The following SMARCB1 variants were observed in gnomAD, a reference collection of about 807,000 sequenced individuals.
SMARCB1 encodes SWI/SNF related BAF chromatin remodeling complex subunit B1.
Under a neutral mutation model 49.0 loss-of-function variants are expected in SMARCB1, and 5 were observed. That is an observed-to-expected ratio of 0.10 (90% CI 0.05 to 0.21). SMARCB1 has a LOEUF of 0.21. Ranked by LOEUF, SMARCB1 falls within the 10% of genes least tolerant of loss-of-function variation. The pLI is 1.00. For synonymous variants in SMARCB1, 201 were observed against 200.1 expected (o/e 1.00, Z -0.04); for missense variants, 226 against 509.2 (o/e 0.44, Z 5.35).
Position 23,835,538 on chromosome 22 carries a change from G to A in SMARCB1, c.*1358G>A, listed in dbSNP as rs1432167593. ...GCTCCTTTGAGCACATGTTAGCATG[G>A]GACTCTTCCCAGGGAGTTTGCACTC... On this transcript the variant is annotated 3_prime_UTR_variant, in exon 9 of 9. Transcript: ENST00000644036. 1.0e-6 allele frequency: 1 copy of A among 985,358 alleles called. No homozygotes were observed. The highest frequency in any genetic ancestry group is 1.2e-6 in the Non-Finnish European group (1 of 829,960). The allele number at this position is 985,358 out of a possible 1,614,324, so 61.0% of individuals were successfully genotyped here.
intron 6 of SMARCB1, among the ~76,000 whole-genome samples, chr22:23,821,008 C>T (rs538441783): frequency 1.2e-4 from 19 of 152,362 alleles, no homozygotes; most frequent in African/African-American, 4.3e-4. Flanking sequence ...GAATTGAGCC[C>T]ATTTTCATTG....
chr22:23,797,001 T>TTTTTTTC lies in SMARCB1; in HGVS notation c.362+3319_362+3320insCTTTTTT, dbSNP rs1491241952. ...TGCAATGGAAGGAAGGTTGTTTTTCTTTTTTTTTTTTTTTTTGAGACGGAG... is the reference window on the plus strand; with the variant it reads ...TGCAATGGAAGGAAGGTTGTTTTTCTTTTTTTCTTTTTTTTTTTTTTTTGAGACGGAG... On this transcript the variant is annotated intron_variant, in intron 3 of 8. Transcript: ENST00000644036. Among the ~76,000 whole-genome samples, 439 of 115,554 alleles carry TTTTTTTC rather than the reference T, an allele frequency of 3.8e-3. 4 individuals are homozygous for TTTTTTTC. The highest frequency in any genetic ancestry group is 0.025 in the South Asian group (97 of 3,854). The allele number at this position is 115,554 out of a possible 152,430, so 75.8% of individuals were successfully genotyped here. A position where few individuals can be genotyped will look rare whatever the true frequency, so the allele number is the denominator to read the frequency against.
intron 5 of SMARCB1, among the ~76,000 whole-genome samples, chr22:23,805,421 G>A (rs1252006202): frequency 3.3e-5 from 5 of 152,170 alleles, no homozygotes; most frequent in African/African-American, 1.2e-4. Flanking sequence ...ATCTCTGCTG[G>A]CCCACATCAT....
rs1269632115 is a variant in SMARCB1 at position 23,837,814 on chromosome 22, G to C, written c.*3634G>C. The C allele has an allele frequency of 6.2e-7, 1 of 1,613,556 alleles. No homozygotes were observed. Among genetic ancestry groups the C allele is most frequent in the African/African-American group, 1.3e-5 (1 of 74,912 alleles). On this transcript the variant is annotated 3_prime_UTR_variant, in exon 9 of 9. Coordinates refer to ENST00000644036, the MANE Select transcript of SMARCB1 (RefSeq NM_003073.5). The stretch of plus-strand genomic sequence containing the variant: ...CACGTACACCAGCATGGCCATGAGG[G>C]CCTGGCCCAGGAAGAACAGGCTGCC...
intron 3 of SMARCB1, 29 bp from the exon 4 acceptor site, chr22:23,800,915 C>T: frequency 6.4e-7 from 1 of 1,567,746 alleles, no homozygotes; most frequent in Non-Finnish European, 8.8e-7. Context: ...CCTATACTGA[C>T]TGGGAGGACT....
intron 3 of SMARCB1, among the ~76,000 whole-genome samples, chr22:23,796,568 G>T (rs966404284): frequency 3.9e-5 from 6 of 152,186 alleles, no homozygotes; most frequent in Non-Finnish European, 8.8e-5. Context: ...AAGGTGGCAC[G>T]CCTCCAGGCT....
chr22:23,801,365 C>A, intron 4 of SMARCB1: 1 of 683,618 alleles, frequency 1.5e-6, no homozygotes. Flanking sequence ...TCTCTGCCCT[C>A]AGTTTCACAT....
intron 3 of SMARCB1, among the ~76,000 whole-genome samples, chr22:23,798,638 AG>A (rs1366985683): frequency 6.6e-6 from 1 of 152,088 alleles, no homozygotes; most frequent in Non-Finnish European, 1.5e-5. Context: ...AGAAGGGAAA[AG>A]AGTTAAAGGG....
rs563735783 is a variant in SMARCB1, at chr22:23,834,426, T to C, written c.*246T>C. 5.8e-5 allele frequency: 41 copies of C among 701,062 alleles called. No individual in the cohort carries two copies. Among genetic ancestry groups the C allele is most frequent in the Non-Finnish European group, 5.2e-6 (2 of 385,338 alleles). 43.4% of individuals were successfully genotyped at this position (701,062 alleles called of 1,614,324 possible). A position where few individuals can be genotyped will look rare whatever the true frequency, so the allele number is the denominator to read the frequency against. On this transcript the variant is annotated 3_prime_UTR_variant, in exon 9 of 9. Transcript: ENST00000644036. ...CTGGGGTCAGGAAGAAACCTTATTT[T>C]AGGTTGTGTTTTGTTTTTGTATAGG...
At position 23,793,620 on chromosome 22, in the gene SMARCB1, G is replaced by T. The variant is rs1928541984; in HGVS notation, c.294G>T (p.Glu98Asp). ...TGTTAAAAGCCTCGGAAGTGGAAGAGATTCTGGATGGCAACGATGAGAAGT... is the reference window on the plus strand; with the variant it reads ...TGTTAAAAGCCTCGGAAGTGGAAGATATTCTGGATGGCAACGATGAGAAGT... Reference protein sequence around the residue: ...VTLLKASEVEEILDGNDEKYK... With the variant: ...VTLLKASEVEDILDGNDEKYK... Residue 98 changes from glutamate (E) to aspartate (D), a missense_variant, in exon 3 of 9, where the codon GAG (glutamate) becomes GAT (aspartate). By Grantham distance (45) the Glu-to-Asp change is conservative. Coordinates refer to ENST00000644036, the MANE Select transcript of SMARCB1 (RefSeq NM_003073.5). 1 of 1,613,986 alleles carries T rather than the reference G, an allele frequency of 6.2e-7. No homozygotes were observed. The highest frequency in any genetic ancestry group is 8.5e-7 in the Non-Finnish European group (1 of 1,180,010).
rs1417519167 is a variant in SMARCB1, at chr22:23,799,510, T to TG, written c.363-1432dup. Among the ~76,000 whole-genome samples the TG allele has an allele frequency of 1.8e-3, 167 of 93,082 alleles. 1 individual carries two copies. Among genetic ancestry groups the TG allele is most frequent in the Non-Finnish European group, 2.5e-3 (108 of 43,838 alleles). 61.1% of individuals were successfully genotyped at this position (93,082 alleles called of 152,430 possible). On this transcript the variant is annotated intron_variant, in intron 3 of 8. Transcript: ENST00000644036. ...CCAGGCTGGTTTCGAACTCACCTTT[T>TG]GGTTTTTTTTTTTTTTTTTGAGATG...
In SMARCB1 at chr22:23,835,507, A is replaced by AG; in HGVS notation, c.*1329dup. On this transcript the variant is annotated 3_prime_UTR_variant, in exon 9 of 9. Coordinates refer to ENST00000644036, the MANE Select transcript of SMARCB1 (RefSeq NM_003073.5). ...GGGTTCTTGGTCGCTGAGATGTGAG[A>AG]GGAGGGCTCCTTTGAGCACATGTTA... The AG allele has an allele frequency of 3.0e-6, 3 of 985,540 alleles. No individual in the cohort carries two copies. The highest frequency in any genetic ancestry group is 3.6e-6 in the Non-Finnish European group (3 of 830,004). The allele number at this position is 985,540 out of a possible 1,614,324, so 61.0% of individuals were successfully genotyped here.
intron 6 of SMARCB1, chr22:23,818,809 A>G (rs2029922285): frequency 6.6e-6 from 1 of 152,668 alleles, no homozygotes; most frequent in Non-Finnish European, 1.5e-5. Context: ...AGGTTCATTT[A>G]TGTTGCACCA....
At position 23,837,922 on chromosome 22, in the gene SMARCB1, G is replaced by C; in HGVS notation, c.*3742G>C. ...GCCCAGGGCCCCTCTGACTTCCCAA[G>C]ACCCTGGAATTCTTCCCCTCATCTC... On this transcript the variant is annotated 3_prime_UTR_variant, in exon 9 of 9. Transcript: ENST00000644036. 2.7e-6 allele frequency: 4 copies of C among 1,475,386 alleles called. No individual in the cohort carries two copies. Among genetic ancestry groups the C allele is most frequent in the Non-Finnish European group, 3.6e-6 (4 of 1,096,888 alleles). The allele number at this position is 1,475,386 out of a possible 1,614,324, so 91.4% of individuals were successfully genotyped here. A position where few individuals can be genotyped will look rare whatever the true frequency, so the allele number is the denominator to read the frequency against.
intron 5 of SMARCB1, among the ~76,000 whole-genome samples, chr22:23,807,137 A>G (rs894566062): frequency 6.6e-6 from 1 of 152,184 alleles, no homozygotes; most frequent in African/African-American, 2.4e-5. Context: ...ACATGTGGAC[A>G]TAGATGCCAT....
chr22:23,820,725 C>T (rs980487951), intron 6 of SMARCB1, among the ~76,000 whole-genome samples: 13 of 144,108 alleles, frequency 9.0e-5, no homozygotes, highest in Non-Finnish European at 1.7e-4. Context: ...ACATTATGGC[C>T]AGCTAGGAGG....
chr22:23,812,487 G>T (rs1359785322), intron 5 of SMARCB1, among the ~76,000 whole-genome samples: 1 of 151,914 alleles, frequency 6.6e-6, no homozygotes, highest in African/African-American at 2.4e-5. Context: ...TATAAAGCTC[G>T]TATTACCTAG....
chr22:23,811,209 A>G (rs540847199), intron 5 of SMARCB1, among the ~76,000 whole-genome samples: 1 of 152,360 alleles, frequency 6.6e-6, no homozygotes, highest in Non-Finnish European at 1.5e-5. Context: ...CTAAATATGT[A>G]TGCAGCAAAC....
At chr22:23,787,401 G>A in intron 1 of SMARCB1, 139 bp downstream of exon 1, 2 of 457,728 alleles carry the variant, frequency 4.4e-6, no homozygotes, top group Non-Finnish European at 7.7e-6. Flanking sequence ...GTGGGGCGTG[G>A]CCTAGTGGGC....
Sources: allele counts gnomAD v4.1 joint callset (sites outside exome capture counted in the v4.1 genomes callset), GRCh38; gene constraint gnomAD v4.1.1; transcripts MANE v1.5; gene names NCBI Gene and HGNC (gene_info 2026-07-23, HGNC 2026-07-21).